Variants in SAMD5 observed in about 807,000 individuals in gnomAD.
SAMD5 encodes sterile alpha motif domain containing 5, also known as sterile alpha motif domain-containing protein 5.
In SAMD5, 13 loss-of-function variants were observed where a neutral mutation model predicts 11.3. That is an observed-to-expected ratio of 1.15 (90% confidence interval 0.75 to 1.83). SAMD5 has a LOEUF of 1.83. Ranked by LOEUF, SAMD5 falls within the 40% of genes most tolerant of loss-of-function variation. The pLI is 0.00. For missense variants in SAMD5, 255 were observed against 239.1 expected, an observed-to-expected ratio of 1.07 and a Z score of -0.44; for synonymous variants, 129 against 111.3, an observed-to-expected ratio of 1.16 and a Z score of -1.00.
intron 1 of SAMD5, among the ~76,000 whole-genome samples, chr6:147,575,418 T>C (rs1789204429): frequency 6.6e-6 from 1 of 152,268 alleles, no homozygotes; most frequent in South Asian, 2.1e-4. Context: ...GGCTCAAATG[T>C]GGGTTGCAGC....
chr6:147,950,495 C>T, the SAMD5 span, among the ~76,000 whole-genome samples: 1 of 152,168 alleles, frequency 6.6e-6, no homozygotes, highest in Non-Finnish European at 1.5e-5. Flanking sequence ...CTTGATACGT[C>T]CTCCTGAGGT....
At chr6:147,552,449 A>T (rs1371004647) in intron 1 of SAMD5, among the ~76,000 whole-genome samples, 1 of 152,198 alleles carries the variant, frequency 6.6e-6, no homozygotes, top group Admixed American at 6.5e-5. Context: ...AGAAGATACC[A>T]TTCCCCTGGG....
chr6:147,616,193 T>TATATATTTATTCATATATATTTC (rs1789867749), intron 1 of SAMD5, among the ~76,000 whole-genome samples: 1 of 125,840 alleles, frequency 7.9e-6, no homozygotes, highest in South Asian at 2.3e-4. Context: ...ATATATTTCA[T>TATATATTTATTCATATATATTTC]ATATATTTAT....
chr6:147,877,178 A>G, the SAMD5 span, among the ~76,000 whole-genome samples: 4 of 152,308 alleles, frequency 2.6e-5, no homozygotes, highest in East Asian at 5.8e-4. Flanking sequence ...CTAGTGCACA[A>G]TACCTGGCGC....
chr6:147,581,475 G>GAA (rs1351767552), intron 1 of SAMD5, among the ~76,000 whole-genome samples: 1 of 152,154 alleles, frequency 6.6e-6, no homozygotes, highest in Non-Finnish European at 1.5e-5. Flanking sequence ...GATGAGTGAT[G>GAA]AAACATAGCC....
chr6:147,835,660 C>T, the SAMD5 span, among the ~76,000 whole-genome samples: 1 of 152,234 alleles, frequency 6.6e-6, no homozygotes, highest in African/African-American at 2.4e-5. Flanking sequence ...TGCCCCATAT[C>T]ACAAGCAGCT....
chr6:147,870,516 C>G, the SAMD5 span, among the ~76,000 whole-genome samples: 2 of 149,470 alleles, frequency 1.3e-5, no homozygotes, highest in Non-Finnish European at 3.0e-5. Flanking sequence ...ATTAATACAG[C>G]ATCATAATTA....
chr6:147,548,177 G>C (rs1264013855), intron 1 of SAMD5, among the ~76,000 whole-genome samples: 1 of 152,158 alleles, frequency 6.6e-6, no homozygotes, highest in Non-Finnish European at 1.5e-5. Context: ...ACAGCACAGA[G>C]GGTAAAAGCC....
chr6:147,705,233 A>G (rs1416776586), intron 1 of SAMD5, among the ~76,000 whole-genome samples: 2 of 152,142 alleles, frequency 1.3e-5, no homozygotes. Context: ...TATTATATGT[A>G]TTGTCTGAGT....
intron 1 of SAMD5, among the ~76,000 whole-genome samples, chr6:147,548,754 G>C (rs1788723154): frequency 6.6e-6 from 1 of 152,078 alleles, no homozygotes; most frequent in South Asian, 2.1e-4. Context: ...TGCTGTGAAG[G>C]AATTTGCACA....
intron 1 of SAMD5, among the ~76,000 whole-genome samples, chr6:147,643,405 G>A (rs1168044343): frequency 6.6e-6 from 1 of 152,136 alleles, no homozygotes; most frequent in Admixed American, 6.5e-5. Context: ...AAAACACACA[G>A]TAAAGAAGGT....
At chr6:147,925,253 A>G in the SAMD5 span, among the ~76,000 whole-genome samples, 1 of 152,150 alleles carries the variant, frequency 6.6e-6, no homozygotes, top group Non-Finnish European at 1.5e-5. Flanking sequence ...TGTCTTCACC[A>G]TGTGAGGATA....
chr6:147,620,962 CTGTGTGTGTGTGTG>C (rs78040354), intron 1 of SAMD5, among the ~76,000 whole-genome samples: 9,787 of 128,530 alleles, frequency 0.076, 380 homozygotes, highest in South Asian at 0.12. Context: ...GTATGTGCCT[CTGTGTGTGTGTGTG>C]TGTGTGTGTG....
chr6:147,648,272 G>A (rs1790433615), intron 1 of SAMD5, among the ~76,000 whole-genome samples: 1 of 152,152 alleles, frequency 6.6e-6, no homozygotes, highest in Non-Finnish European at 1.5e-5. Context: ...TCTTCACAGG[G>A]CGGCAAGAAG....
the SAMD5 span, among the ~76,000 whole-genome samples, chr6:147,951,826 G>T: frequency 6.6e-6 from 1 of 152,266 alleles, no homozygotes; most frequent in Admixed American, 6.5e-5. Flanking sequence ...CAGAATAAAT[G>T]TATTTGGGAT....
At chr6:147,634,914 G>A (rs1444821092) in intron 1 of SAMD5, among the ~76,000 whole-genome samples, 1 of 118,514 alleles carries the variant, frequency 8.4e-6, no homozygotes, top group Non-Finnish European at 2.0e-5. Context: ...GAAAGATAAA[G>A]AAGAGACATG....
the SAMD5 span, among the ~76,000 whole-genome samples, chr6:147,909,762 G>T: frequency 4.0e-5 from 6 of 151,838 alleles, no homozygotes; most frequent in African/African-American, 7.3e-5. Context: ...AGGTTGAGTC[G>T]CTGTGACAGA....
chr6:147,586,280 A>G (rs756347622), intron 1 of SAMD5, among the ~76,000 whole-genome samples: 1 of 152,146 alleles, frequency 6.6e-6, no homozygotes, highest in Admixed American at 6.5e-5. Flanking sequence ...TCACAAACCA[A>G]TTTGTCAGGG....
At chr6:147,533,991 C>G (rs556744722) in intron 1 of SAMD5, among the ~76,000 whole-genome samples, 1 of 152,284 alleles carries the variant, frequency 6.6e-6, no homozygotes, top group East Asian at 1.9e-4. Flanking sequence ...ACAGTCAAGC[C>G]AAGTCGACAC....
Sources: gnomAD v4.1 joint callset for allele counts (sites outside exome capture counted in the v4.1 genomes callset) on GRCh38, gnomAD v4.1.1 for gene constraint, MANE v1.5 for transcripts, NCBI Gene and HGNC (gene_info 2026-07-23, HGNC 2026-07-21) for gene names.